Variants in MFN1 observed in about 807,000 individuals in gnomAD.
MFN1 encodes the protein mitofusin-1.
A neutral mutation model predicts 92.4 loss-of-function variants in MFN1; 65 were observed. The observed-to-expected ratio is 0.70, with a 90% CI of 0.58 to 0.86. The LOEUF is 0.86. Among genes scored for constraint, MFN1 ranks in the 40% least tolerant of loss-of-function variants. The probability of loss-of-function intolerance (pLI) is 0.00; values close to 1 mark genes in which losing one functional copy is unlikely to be tolerated. For missense variants in MFN1, 781 were observed against 868.0 expected, an observed-to-expected ratio of 0.90 and a Z score of 1.26; for synonymous variants, 297 against 300.9, an observed-to-expected ratio of 0.99 and a Z score of 0.13.
At chr3:179,387,679 C>T (rs576850797) in intron 16 of MFN1, among the ~76,000 whole-genome samples, 1 of 144,498 alleles carries the variant, frequency 6.9e-6, no homozygotes, top group Non-Finnish European at 1.5e-5. Context: ...CTGCAACCTC[C>T]ACCTTCCTCA....
chr3:179,365,088 A>G (rs2108534944), intron 6 of MFN1, 30 bp from the exon 7 acceptor site: 2 of 1,216,806 alleles, frequency 1.6e-6, no homozygotes, highest in Middle Eastern at 2.3e-4. Context: ...ATTATAGTGA[A>G]TGTACTGTGG....
intron 12 of MFN1, among the ~76,000 whole-genome samples, chr3:179,377,776 A>G (rs962105578): frequency 3.9e-5 from 6 of 152,146 alleles, no homozygotes. Flanking sequence ...TCTACAAAAA[A>G]CAGTTAGGCT....
At position 179,367,462 on chromosome 3, in the gene MFN1, A is replaced by G; in HGVS notation, c.777A>G (p.Arg259=). Residue 259 remains arginine (R), a synonymous_variant, in exon 8 of 18, where the codon AGA becomes AGG. Coordinates refer to ENST00000471841, the MANE Select transcript of MFN1 (RefSeq NM_033540.3). ...MEDVRRQHME[R]CLHFLVEELK... is the part of the protein sequence containing the mutation. ...AGGTACGCAGACAGCACATGGAAAG[A>G]TGCCTGCATTTCTTGGTGGAGGAGC... The G allele has an allele frequency of 6.2e-7, 1 of 1,612,488 alleles. No individual in the cohort carries two copies. Among genetic ancestry groups the G allele is most frequent in the Non-Finnish European group, 8.5e-7 (1 of 1,179,458 alleles).
At position 179,378,625 on chromosome 3, in the gene MFN1, A is replaced by G. The variant is rs1175476125; in HGVS notation, c.1473A>G (p.Lys491=). 2 of 1,613,378 alleles carry G rather than the reference A, an allele frequency of 1.2e-6. No individual in the cohort carries two copies. Among genetic ancestry groups the G allele is most frequent in the East Asian group, 2.2e-5 (1 of 44,852 alleles). ...TACTTCCAGCTGGTATACAGGATAA[A>G]CTACATACACTGATCCCTTGCAAGA... is the stretch of plus-strand genomic sequence containing the variant. ...KPLLPAGIQD[K]LHTLIPCKKF... is the part of the protein sequence containing the mutation. The change falls in exon 14 of 18, where the codon AAA becomes AAG. Residue 491 remains lysine (K), a synonymous_variant. Transcript: ENST00000471841.
chr3:179,385,473 C>A, intron 14 of MFN1, 96 bp from the exon 15 acceptor site: 2 of 1,094,876 alleles, frequency 1.8e-6, no homozygotes, highest in South Asian at 1.8e-5. Context: ...GTAATTTTTC[C>A]CTCATAGATG....
chr3:179,352,879 G>A (rs1425686579), intron 3 of MFN1, among the ~76,000 whole-genome samples: 2 of 151,766 alleles, frequency 1.3e-5, no homozygotes, highest in African/African-American at 4.8e-5. Flanking sequence ...AGCCTCCCTA[G>A]TAGCTGGAAT....
At chr3:179,367,275 C>T (rs1712831496) in intron 7 of MFN1, among the ~76,000 whole-genome samples, 164 bp from the exon 8 acceptor site, 1 of 152,202 alleles carries the variant, frequency 6.6e-6, no homozygotes, top group Admixed American at 6.5e-5. Flanking sequence ...GAAAGATTTC[C>T]TGTCATCAAG....
rs759465265 is a variant in MFN1 at position 179,352,014 on chromosome 3, T to C, written c.227T>C (p.Met76Thr). 1 of 1,595,708 alleles carries C rather than the reference T, an allele frequency of 6.3e-7. No individual in the cohort carries two copies. Among genetic ancestry groups the C allele is most frequent in the Non-Finnish European group, 8.6e-7 (1 of 1,167,100 alleles). Reference sequence around the variant, plus strand: ...GGTGAGGTGCTATCTCGGAGACACATGAAGGTGGCATTTTTTGGCAGGTAA... The same window carrying C: ...GGTGAGGTGCTATCTCGGAGACACACGAAGGTGGCATTTTTTGGCAGGTAA... Reference protein sequence around the residue: ...IIGEVLSRRHMKVAFFGRTSS... With the variant: ...IIGEVLSRRHTKVAFFGRTSS... Residue 76 changes from methionine (M) to threonine (T), a missense_variant, in exon 3 of 18, where the codon ATG (methionine) becomes ACG (threonine). Physicochemically the swap from Met to Thr is moderately conservative, Grantham distance 81. Coordinates refer to ENST00000471841, the MANE Select transcript of MFN1 (RefSeq NM_033540.3).
At chr3:179,359,279 C>T (rs1454207921) in intron 4 of MFN1, among the ~76,000 whole-genome samples, 3 of 151,998 alleles carry the variant, frequency 2.0e-5, no homozygotes, top group African/African-American at 7.3e-5. Context: ...CGCCACCACA[C>T]CCGGCTAATT....
intron 2 of MFN1, 102 bp downstream of exon 2, chr3:179,349,065 T>C: frequency 1.2e-6 from 1 of 839,508 alleles, no homozygotes. Context: ...GGCATTATAC[T>C]GTATACTATG....
rs757206449 is a variant in MFN1, at chr3:179,365,179, A to G, written c.707A>G (p.Asn236Ser). 6.4e-6 allele frequency: 10 copies of G among 1,555,958 alleles called. No homozygotes were observed. The highest frequency in any genetic ancestry group is 7.8e-6 in the Non-Finnish European group (9 of 1,160,606). Reference sequence around the variant, plus strand: ...TCCAAGCCTAATATTTTCATTCTCAATAATCGTTGGGATGCCTCTGCATCA... The same window carrying G: ...TCCAAGCCTAATATTTTCATTCTCAGTAATCGTTGGGATGCCTCTGCATCA... ...RLSKPNIFIL[N>S]NRWDASASEP... Residue 236 changes from asparagine (N) to serine (S), a missense_variant, in exon 7 of 18, where the codon AAT becomes AGT. By Grantham distance (46) the Asn-to-Ser change is conservative. Transcript: ENST00000471841.
At chr3:179,390,352 A>G (rs1713853782) in intron 17 of MFN1, among the ~76,000 whole-genome samples, 1 of 152,184 alleles carries the variant, frequency 6.6e-6, no homozygotes, top group African/African-American at 2.4e-5. Flanking sequence ...AGTTTCACTG[A>G]AGGCTAATTG....
chr3:179,375,161 A>T, intron 9 of MFN1, 59 bp from the exon 10 acceptor site: 1 of 1,476,966 alleles, frequency 6.8e-7, no homozygotes, highest in South Asian at 1.4e-5. Flanking sequence ...TTGTGTTTAA[A>T]TTCCTGAAAA....
intron 14 of MFN1, among the ~76,000 whole-genome samples, chr3:179,382,804 G>A (rs1337952999): frequency 1.3e-5 from 2 of 152,196 alleles, no homozygotes; most frequent in African/African-American, 4.8e-5. Context: ...GTTTTGATTT[G>A]CATTTCTCTG....
intron 9 of MFN1, among the ~76,000 whole-genome samples, chr3:179,373,801 G>A (rs1713114975): frequency 6.6e-6 from 1 of 151,896 alleles, no homozygotes; most frequent in Admixed American, 6.6e-5. Context: ...AGCCTCCCGA[G>A]TAGCTGGGAC....
intron 14 of MFN1, among the ~76,000 whole-genome samples, chr3:179,382,065 AT>A (rs1175141873): frequency 1.3e-5 from 1 of 77,200 alleles, no homozygotes; most frequent in Admixed American, 1.7e-4. Context: ...AAATACAAGC[AT>A]TTTTTTAATT....
intron 3 of MFN1, among the ~76,000 whole-genome samples, chr3:179,358,265 C>G (rs1712425259): frequency 1.3e-5 from 2 of 151,578 alleles, no homozygotes; most frequent in South Asian, 4.2e-4. Context: ...ATTCTTCTGC[C>G]TCAGTCTCCT....
At chr3:179,347,931 C>T (rs1203806535) in intron 1 of MFN1, 121 bp downstream of exon 1, 1 of 152,304 alleles carries the variant, frequency 6.6e-6, no homozygotes, top group African/African-American at 2.4e-5. Context: ...CCGCCGCGGT[C>T]CTGTGGGAAA....
intron 3 of MFN1, among the ~76,000 whole-genome samples, chr3:179,354,581 A>T (rs1712276953): frequency 6.6e-6 from 1 of 152,202 alleles, no homozygotes; most frequent in East Asian, 1.9e-4. Context: ...GCAAGAAGGA[A>T]TTCCGGATGG....
Sources: allele counts gnomAD v4.1 joint callset (sites outside exome capture counted in the v4.1 genomes callset), GRCh38; gene constraint gnomAD v4.1.1; transcripts MANE v1.5; gene names NCBI Gene and HGNC (gene_info 2026-07-23, HGNC 2026-07-21).